The following PCBP2 variants were observed in gnomAD, a reference collection of about 807,000 sequenced individuals.
The protein encoded by PCBP2 is poly(rC) binding protein 2.
A neutral mutation model predicts 50.1 loss-of-function variants in PCBP2; 4 were observed. That is an observed-to-expected ratio of 0.08 (90% CI 0.04 to 0.18). The LOEUF is 0.18. PCBP2 is among the 10% of genes least tolerant of loss of function. The pLI is 1.00. For synonymous variants in PCBP2, 179 were observed against 168.0 expected, an observed-to-expected ratio of 1.07 and a Z score of -0.51; for missense variants, 161 against 474.3, an observed-to-expected ratio of 0.34 and a Z score of 6.14.
intron 13 of PCBP2, among the ~76,000 whole-genome samples, 167 bp downstream of exon 13, chr12:53,468,999 T>A (rs2137084403): frequency 6.7e-6 from 1 of 148,606 alleles, no homozygotes; most frequent in South Asian, 2.2e-4. Flanking sequence ...GCCTCCCGGG[T>A]TCAACCAATT....
chr12:53,466,789 G>A lies in PCBP2; in HGVS notation c.715-432G>A, dbSNP rs1045313734. 2.0e-5 allele frequency among the ~76,000 whole-genome samples: 3 copies of A among 151,832 alleles called. 1 individual carries two copies. On this transcript the variant is annotated intron_variant, in intron 10 of 14. Coordinates refer to ENST00000546463, the MANE Select transcript of PCBP2 (RefSeq NM_031989.5). ...CCTCTCTCCTCCTTGCAGTCTCCCTGCCCCCCTCATCTCCTTCCCTCTCCC... is the reference window on the plus strand; with the variant it reads ...CCTCTCTCCTCCTTGCAGTCTCCCTACCCCCCTCATCTCCTTCCCTCTCCC...
chr12:53,460,066 G>T (rs139686910), intron 6 of PCBP2: 2 of 227,434 alleles, frequency 8.8e-6, no homozygotes, highest in South Asian at 8.7e-5. Context: ...TGCCTGCAGC[G>T]TCATTTTTCT....
At position 53,454,866 on chromosome 12, in the gene PCBP2, A is replaced by G. The variant is rs202072175; in HGVS notation, c.66A>G (p.Gly22=). 23 of 1,613,674 alleles carry G rather than the reference A, an allele frequency of 1.4e-5. No individual in the cohort carries two copies. In the East Asian group the frequency reaches 4.9e-4, roughly 34 times the overall value. The change falls in exon 2 of 15, where the codon GGA becomes GGG. Residue 22 remains glycine, a synonymous_variant. Transcript: ENST00000546463. ...VTLTIRLLMH[G]KEVGSIIGKK... The stretch of plus-strand genomic sequence containing the variant: ...TCACCATCCGGCTACTTATGCATGG[A>G]AAGGTATGCTCTAGCTTGGGAAATG...
intron 6 of PCBP2, chr12:53,459,867 CCT>C (rs1257002970): frequency 4.4e-6 from 2 of 454,222 alleles, no homozygotes; most frequent in Non-Finnish European, 8.9e-6. Context: ...CTCAGGCGAT[CCT>C]CTCATCTCAG....
chr12:53,453,248 T>C (rs1250759419), intron 1 of PCBP2: 1 of 151,678 alleles, frequency 6.6e-6, no homozygotes, highest in Non-Finnish European at 1.5e-5. Flanking sequence ...GTTATTGTGA[T>C]ATTTGTAAAG....
chr12:53,462,242 C>T (rs10876458), intron 7 of PCBP2, among the ~76,000 whole-genome samples: 42,644 of 151,992 alleles, frequency 0.28, 7,257 homozygotes, highest in East Asian at 0.73. Context: ...GAAATAGTGC[C>T]GAAGATTATT....
At chr12:53,462,697 TTTAG>T (rs1458342594) in intron 8 of PCBP2, 130 bp downstream of exon 8, 3 of 626,238 alleles carry the variant, frequency 4.8e-6, no homozygotes, top group Non-Finnish European at 7.9e-6. Flanking sequence ...TTGACCGGCT[TTTAG>T]TTTTATTTTT....
At chr12:53,473,671 T>C (rs961458357) in intron 14 of PCBP2, among the ~76,000 whole-genome samples, 1 of 152,196 alleles carries the variant, frequency 6.6e-6, no homozygotes, top group Non-Finnish European at 1.5e-5. Context: ...TCAAAACTTT[T>C]CAAAGCTTCA....
At chr12:53,474,819 C>A in intron 14 of PCBP2, 1 of 362,792 alleles carries the variant, frequency 2.8e-6, no homozygotes. Context: ...CTTTTGTGGT[C>A]TTCCCTTCCA....
intron 8 of PCBP2, among the ~76,000 whole-genome samples, chr12:53,463,747 C>T (rs771212593): frequency 2.0e-5 from 3 of 152,180 alleles, no homozygotes; most frequent in Non-Finnish European, 4.4e-5. Context: ...TGGTAGCTGC[C>T]TAAGCAAGTG....
At chr12:53,467,744 T>A in intron 11 of PCBP2, 61 bp from the exon 12 acceptor site, 5 of 1,328,914 alleles carry the variant, frequency 3.8e-6, no homozygotes, top group Non-Finnish European at 5.4e-6. Flanking sequence ...GTATAAGGAA[T>A]AACTTGTCCG....
intron 14 of PCBP2, among the ~76,000 whole-genome samples, chr12:53,478,260 C>T (rs1942783155): frequency 6.6e-6 from 1 of 152,012 alleles, no homozygotes; most frequent in African/African-American, 2.4e-5. Flanking sequence ...CTAATCCTAG[C>T]ACTTTGGGAG....
At chr12:53,452,680 T>A (rs947390739) in intron 1 of PCBP2, 2 of 148,148 alleles carry the variant, frequency 1.3e-5, no homozygotes, top group African/African-American at 5.0e-5. Context: ...TTGTGGGGGG[T>A]TGGGGGAGGC....
intron 14 of PCBP2, among the ~76,000 whole-genome samples, chr12:53,473,762 G>A (rs1289845754): frequency 1.3e-5 from 2 of 148,276 alleles, no homozygotes; most frequent in Non-Finnish European, 3.0e-5. Context: ...GAAGTCAAAG[G>A]GTTTTTTTTT....
intron 13 of PCBP2, among the ~76,000 whole-genome samples, chr12:53,471,313 C>G (rs867504030): frequency 1.4e-4 from 21 of 149,956 alleles, no homozygotes; most frequent in Admixed American, 2.7e-4. Flanking sequence ...GGTTCGGTGG[C>G]TTATACCTGT....
At chr12:53,471,002 C>CTAAGAGTA (rs1555208091) in intron 13 of PCBP2, among the ~76,000 whole-genome samples, 1 of 151,956 alleles carries the variant, frequency 6.6e-6, no homozygotes, top group African/African-American at 2.4e-5. Flanking sequence ...ATACTTGGAC[C>CTAAGAGTA]TAAGAGTATT....
At chr12:53,472,913 GT>G (rs1408660726) in intron 14 of PCBP2, among the ~76,000 whole-genome samples, 2 of 152,036 alleles carry the variant, frequency 1.3e-5, no homozygotes, top group Admixed American at 6.6e-5. Context: ...AGCACACTAG[GT>G]CCTTAATGTT....
intron 14 of PCBP2, among the ~76,000 whole-genome samples, chr12:53,474,116 C>T (rs1412621884): frequency 2.0e-5 from 3 of 152,152 alleles, no homozygotes; most frequent in Non-Finnish European, 2.9e-5. Flanking sequence ...GCAGCATTTT[C>T]GCTTAAGTAT....
intron 2 of PCBP2, 39 bp from the exon 3 acceptor site, chr12:53,455,308 T>C: frequency 6.3e-7 from 1 of 1,586,370 alleles, no homozygotes; most frequent in African/African-American, 1.3e-5. Context: ...GGAATACTTC[T>C]GAGTTTCCTC....
Sources: allele counts gnomAD v4.1 joint callset (sites outside exome capture counted in the v4.1 genomes callset), GRCh38; gene constraint gnomAD v4.1.1; transcripts MANE v1.5; gene names NCBI Gene and HGNC (gene_info 2026-07-23, HGNC 2026-07-21).